THSD7A: variants seen among roughly 807,000 people sequenced by gnomAD.
THSD7A encodes the protein thrombospondin type 1 domain containing 7A.
In THSD7A, 96 loss-of-function variants were observed where a neutral mutation model predicts 231.3. That is an observed-to-expected ratio of 0.41 (90% confidence interval 0.35 to 0.49). THSD7A has a LOEUF of 0.49. Ranked by LOEUF, THSD7A falls within the 20% of genes least tolerant of loss-of-function variation. The pLI is 0.05. For missense variants in THSD7A, 2,290 were observed against 2,070.2 expected (o/e 1.11, Z -2.06); for synonymous variants, 940 against 743.3 (o/e 1.26, Z -4.30).
At chr7:11,642,166 G>T (rs111591260) in intron 1 of THSD7A, among the ~76,000 whole-genome samples, 138 of 152,274 alleles carry the variant, frequency 9.1e-4, no homozygotes, top group African/African-American at 3.1e-3. Flanking sequence ...CAATGTGACA[G>T]TGTGCAGCAA....
intron 27 of THSD7A, 29 bp from the exon 28 acceptor site, chr7:11,375,907 G>T: frequency 6.3e-7 from 1 of 1,598,298 alleles, no homozygotes; most frequent in Non-Finnish European, 8.6e-7. Flanking sequence ...TTAGGAGAAA[G>T]AAAATCAGTT....
At chr7:11,711,963 G>A (rs570075765) in intron 1 of THSD7A, among the ~76,000 whole-genome samples, 16 of 151,070 alleles carry the variant, frequency 1.1e-4, no homozygotes, top group South Asian at 6.2e-4. Flanking sequence ...TATGGGTATC[G>A]TCCTCTAGGT....
At chr7:11,724,498 G>A (rs1324634636) in intron 1 of THSD7A, among the ~76,000 whole-genome samples, 1 of 151,600 alleles carries the variant, frequency 6.6e-6, no homozygotes, top group African/African-American at 2.4e-5. Context: ...CAAGACCTAG[G>A]CAAAAATTTA....
chr7:11,772,161 G>A (rs1783251046), intron 1 of THSD7A, among the ~76,000 whole-genome samples: 1 of 151,942 alleles, frequency 6.6e-6, no homozygotes, highest in African/African-American at 2.4e-5. Context: ...ACCACAATGA[G>A]ATACTATCTC....
At position 11,459,416 on chromosome 7, in the gene THSD7A, T is replaced by C. The variant is rs568608674; in HGVS notation, c.2605+1246A>G. 2.6e-5 allele frequency among the ~76,000 whole-genome samples: 4 copies of C among 152,244 alleles called. No homozygotes were observed. The South Asian group carries it at 8.3e-4, about 32-fold the overall frequency. On this transcript the variant is annotated intron_variant, in intron 11 of 27. Coordinates refer to ENST00000423059, the MANE Select transcript of THSD7A (RefSeq NM_015204.3). ...GCATGACAAGAAGATCTCATATCAC[T>C]CAATTTCTTAAAGAATGATTTGAAA...
At chr7:11,747,828 C>T (rs529641123) in intron 1 of THSD7A, among the ~76,000 whole-genome samples, 8 of 151,640 alleles carry the variant, frequency 5.3e-5, no homozygotes, top group African/African-American at 7.3e-5. Context: ...GTACATTTAC[C>T]GAAAGGACAA....
chr7:11,389,031 T>A lies in THSD7A; in HGVS notation c.4412-6415A>T, dbSNP rs139408494. ...GAGTGTTTTACTTCCAATTATGTGGTCACTATTAGAATAAGTGTGATGTGG... is the reference window on the plus strand; with the variant it reads ...GAGTGTTTTACTTCCAATTATGTGGACACTATTAGAATAAGTGTGATGTGG... On this transcript the variant is annotated intron_variant, in intron 23 of 27. Transcript: ENST00000423059. Among the ~76,000 whole-genome samples the A allele has an allele frequency of 3.3e-3, 502 of 152,318 alleles. 4 individuals are homozygous for A. The highest frequency in any genetic ancestry group is 0.012 in the African/African-American group (491 of 41,578).
At chr7:11,463,180 A>T (rs1398962869) in intron 9 of THSD7A, among the ~76,000 whole-genome samples, 1 of 152,202 alleles carries the variant, frequency 6.6e-6, no homozygotes, top group African/African-American at 2.4e-5. Flanking sequence ...CCTTTTTAAA[A>T]GATACTGTGG....
intron 1 of THSD7A, among the ~76,000 whole-genome samples, chr7:11,660,873 A>G (rs989806188): frequency 2.0e-5 from 3 of 151,498 alleles, no homozygotes; most frequent in African/African-American, 7.2e-5. Flanking sequence ...AAAGCTGGAG[A>G]AATGTTTAAA....
chr7:11,653,464 G>GTGTA (rs1782586732), intron 1 of THSD7A, among the ~76,000 whole-genome samples: 1 of 149,470 alleles, frequency 6.7e-6, no homozygotes, highest in Non-Finnish European at 1.5e-5. Flanking sequence ...GTGTGTGTGT[G>GTGTA]TGTGTGTGTG....
intron 4 of THSD7A, among the ~76,000 whole-genome samples, chr7:11,573,986 A>G (rs980576514): frequency 1.3e-5 from 2 of 152,192 alleles, no homozygotes; most frequent in African/African-American, 4.8e-5. Context: ...CTCTGATGTT[A>G]TAAAAACATG....
intron 13 of THSD7A, among the ~76,000 whole-genome samples, chr7:11,443,685 A>G (rs969766157): frequency 6.6e-6 from 1 of 152,032 alleles, no homozygotes; most frequent in Admixed American, 6.6e-5. Flanking sequence ...TGATTGCCCA[A>G]CAACGTGAAT....
intron 23 of THSD7A, among the ~76,000 whole-genome samples, chr7:11,397,566 C>G (rs1327826184): frequency 6.6e-6 from 1 of 151,926 alleles, no homozygotes; most frequent in African/African-American, 2.4e-5. Context: ...CAAACGGGAT[C>G]TAATTAAAGA....
At position 11,636,376 on chromosome 7, in the gene THSD7A, G is replaced by A. The variant is rs772148749; in HGVS notation, c.776C>T (p.Pro259Leu). 3.1e-6 allele frequency: 5 copies of A among 1,613,708 alleles called. No homozygotes were observed. In the South Asian group the frequency reaches 5.5e-5, roughly 18 times the overall value. The stretch of plus-strand genomic sequence containing the variant: ...GTGGGGCATTGAGCAGGTGCTCCAG[G>A]GCCCCACATGCAGGCTGTACCTGAG... The part of the protein sequence containing the change: ...EELRYSLHVG[P>L]WSTCSMPHSR... The change falls in exon 2 of 28, where the codon CCC (proline) becomes CTC (leucine). Residue 259 changes from proline (P) to leucine (L), a missense_variant. Coordinates refer to ENST00000423059, the MANE Select transcript of THSD7A (RefSeq NM_015204.3). The surrounding 1 kb of genome is among the most constrained non-coding windows in gnomAD (Gnocchi z 10.0).
At chr7:11,499,960 A>G (rs1225832845) in intron 6 of THSD7A, among the ~76,000 whole-genome samples, 1 of 152,206 alleles carries the variant, frequency 6.6e-6, no homozygotes, top group African/African-American at 2.4e-5. Context: ...AATTCAGGAA[A>G]TTAAGAGAAC....
intron 4 of THSD7A, among the ~76,000 whole-genome samples, chr7:11,547,574 C>T (rs1789453271): frequency 6.6e-6 from 1 of 152,186 alleles, no homozygotes; most frequent in African/African-American, 2.4e-5. Context: ...ACAGCACATA[C>T]TCTAAAATTG....
intron 6 of THSD7A, among the ~76,000 whole-genome samples, chr7:11,486,031 T>C (rs1270820954): frequency 6.6e-6 from 1 of 152,224 alleles, no homozygotes; most frequent in African/African-American, 2.4e-5. Context: ...ATAAGTCATC[T>C]GGGAAACCAT....
chr7:11,536,533 A>G (rs907018215), intron 6 of THSD7A, among the ~76,000 whole-genome samples: 2 of 152,004 alleles, frequency 1.3e-5, no homozygotes, highest in African/African-American at 4.8e-5. Context: ...CCTTTTGCTG[A>G]TTTTGTTTTG....
intron 1 of THSD7A, among the ~76,000 whole-genome samples, chr7:11,692,270 A>G (rs547707560): frequency 1.3e-5 from 2 of 151,734 alleles, no homozygotes; most frequent in Non-Finnish European, 3.0e-5. Context: ...CGTACTTCCT[A>G]TGGAAGCATG....
Sources: gnomAD v4.1 joint callset for allele counts (sites outside exome capture counted in the v4.1 genomes callset) on GRCh38, gnomAD v4.1.1 for gene constraint, Gnocchi (gnomAD v3.1) non-coding constraint, MANE v1.5 for transcripts, NCBI Gene and HGNC (gene_info 2026-07-23, HGNC 2026-07-21) for gene names.